The following TECR variants were observed in gnomAD, a reference collection of about 807,000 sequenced individuals.
TECR encodes very-long-chain enoyl-CoA reductase.
A neutral mutation model predicts 50.6 loss-of-function variants in TECR; 19 were observed. That is an observed-to-expected ratio of 0.38 (90% CI 0.26 to 0.55). The LOEUF is 0.55. Ranked by LOEUF, TECR falls within the 20% of genes least tolerant of loss-of-function variation. The probability of loss-of-function intolerance (pLI) is 0.79; values close to 1 mark genes in which losing one functional copy is unlikely to be tolerated. For synonymous variants in TECR, 168 were observed against 163.5 expected, an observed-to-expected ratio of 1.03 and a Z score of -0.21; for missense variants, 313 against 408.3, an observed-to-expected ratio of 0.77 and a Z score of 2.01.
At chr19:14,539,722 C>T (rs1475185451) in intron 1 of TECR, among the ~76,000 whole-genome samples, 1 of 152,148 alleles carries the variant, frequency 6.6e-6, no homozygotes, top group African/African-American at 2.4e-5. Flanking sequence ...CTCTGCTTTC[C>T]TCATGCCTGG....
At position 14,553,402 on chromosome 19, in the gene TECR, C is replaced by T. The variant is rs528784890; in HGVS notation, c.16-9123C>T. On this transcript the variant is annotated intron_variant, in intron 1 of 12. Coordinates refer to ENST00000215567, the MANE Select transcript of TECR (RefSeq NM_138501.6). ...GGGAGGTCAGCCACTCTCAGCCCTT[C>T]CTCCCCACCCTGGGTGACATTCTGC... is the stretch of plus-strand genomic sequence containing the variant. 3.1e-3 allele frequency among the ~76,000 whole-genome samples: 466 copies of T among 152,010 alleles called. 2 individuals are homozygous for T. Among genetic ancestry groups the T allele is most frequent in the Middle Eastern group, 0.01 (3 of 294 alleles).
At chr19:14,529,983 A>G in intron 1 of TECR, 1 of 556,994 alleles carries the variant, frequency 1.8e-6, no homozygotes, top group Non-Finnish European at 3.2e-6. Flanking sequence ...GGTTCCTTGC[A>G]GCTCCCCCAG....
chr19:14,542,347 G>GGTTT (rs2073124658), intron 1 of TECR, among the ~76,000 whole-genome samples: 4 of 43,282 alleles, frequency 9.2e-5, no homozygotes, highest in African/African-American at 3.2e-4. Flanking sequence ...ATGCCATAGT[G>GGTTT]TTTTTTTTTT....
At chr19:14,538,657 C>G (rs2113135) in intron 1 of TECR, among the ~76,000 whole-genome samples, 3 of 150,330 alleles carry the variant, frequency 2.0e-5, no homozygotes, top group Non-Finnish European at 3.0e-5. Context: ...CTCAGCCTCC[C>G]GAGTAGCTGG....
chr19:14,544,619 C>T (rs567452707), intron 1 of TECR, among the ~76,000 whole-genome samples: 5 of 144,220 alleles, frequency 3.5e-5, no homozygotes, highest in East Asian at 2.0e-4. Flanking sequence ...TTTGCTGCTG[C>T]GGTGTTTGGC....
intron 1 of TECR, among the ~76,000 whole-genome samples, chr19:14,538,331 C>A (rs887951392): frequency 2.6e-5 from 4 of 152,016 alleles, no homozygotes; most frequent in Non-Finnish European, 5.9e-5. Context: ...AGTTTTGTCA[C>A]CCTGTGAGGC....
At chr19:14,541,232 C>G (rs1006969491) in intron 1 of TECR, among the ~76,000 whole-genome samples, 5 of 152,230 alleles carry the variant, frequency 3.3e-5, no homozygotes, top group African/African-American at 1.2e-4. Context: ...CTGCCTCAGC[C>G]TCCCAAAGCT....
upstream of TECR, chr19:14,527,925 C>T (rs376809231): frequency 2.0e-5 from 3 of 151,854 alleles, no homozygotes; most frequent in African/African-American, 7.3e-5. Context: ...GAATCTCACT[C>T]TGTCGCCCAG....
rs745777166 is a variant in TECR, at chr19:14,563,675, G to A, written c.136G>A (p.Ala46Thr). The change falls in exon 4 of 13, where the codon GCC (alanine) becomes ACC (threonine). Residue 46 changes from alanine to threonine, a missense_variant. Transcript: ENST00000215567. This position sits in a 1 kb window ranked among gnomAD's most constrained non-coding sequence, Gnocchi z 5.3. ...FTKTHPQWYP[A>T]RQSLRLDPKG... ...CCCCGCAGATCCGCAGTGGTACCCC[G>A]CCCGCCAGTCCCTCCGCCTGGACCC... 6.2e-6 allele frequency: 10 copies of A among 1,610,584 alleles called. No individual in the cohort carries two copies. In the East Asian group the frequency reaches 1.6e-4, roughly 25 times the overall value.
intron 1 of TECR, among the ~76,000 whole-genome samples, chr19:14,557,514 C>T (rs892750704): frequency 6.8e-5 from 10 of 146,742 alleles, no homozygotes; most frequent in African/African-American, 2.5e-4. Flanking sequence ...TGCAGTGGTG[C>T]GATATCAGCT....
chr19:14,562,419 G>A (rs1475659923), intron 1 of TECR, 106 bp from the exon 2 acceptor site: 4 of 1,228,744 alleles, frequency 3.3e-6, no homozygotes, highest in African/African-American at 1.5e-5. Context: ...TGAGCTTGTT[G>A]GCCCGGGAGG....
intron 2 of TECR, 66 bp downstream of exon 2, chr19:14,562,641 C>T (rs1172911899): frequency 6.3e-7 from 1 of 1,584,702 alleles, no homozygotes; most frequent in African/African-American, 1.3e-5. Flanking sequence ...TCCTTATAGC[C>T]CAGGAGCTGT....
At position 14,563,951 on chromosome 19, in the gene TECR, G is replaced by A; in HGVS notation, c.268-31G>A. 1 of 1,614,002 alleles carries A rather than the reference G, an allele frequency of 6.2e-7. No individual in the cohort carries two copies. Among genetic ancestry groups the A allele is most frequent in the Non-Finnish European group, 8.5e-7 (1 of 1,179,910 alleles). On this transcript the variant is annotated intron_variant, in intron 5 of 12. Transcript: ENST00000215567. The surrounding 1 kb of genome is among the most constrained non-coding windows in gnomAD (Gnocchi z 5.3). ...GCCTCTTTTCCCGTCAGCCACGTTG[G>A]GTGACTCATCTTGCCCCCCTCTACT...
At chr19:14,530,754 C>G (rs552081422) in intron 1 of TECR, 11 of 152,260 alleles carry the variant, frequency 7.2e-5, no homozygotes, top group Middle Eastern at 3.4e-3. Flanking sequence ...TTTCTCACTT[C>G]CCCTCCAATT....
chr19:14,563,390 CGTGA>C lies in TECR; in HGVS notation c.118+134_118+137del. The C allele has an allele frequency of 1.0e-6, 1 of 973,066 alleles. No homozygotes were observed. The highest frequency in any genetic ancestry group is 1.6e-6 in the Non-Finnish European group (1 of 623,144). 60.3% of individuals were successfully genotyped at this position (973,066 alleles called of 1,614,324 possible). A position where few individuals can be genotyped will look rare whatever the true frequency, so the allele number is the denominator to read the frequency against. On this transcript the variant is annotated intron_variant, in intron 3 of 12. Coordinates refer to ENST00000215567, the MANE Select transcript of TECR (RefSeq NM_138501.6). This position sits in a 1 kb window ranked among gnomAD's most constrained non-coding sequence, Gnocchi z 5.3. ...CCCAGTGTGGCCCAGGCTTCTGGGG[CGTGA>C]CTGGGGCAGGCGCCTCCACGTGGCA...
intron 1 of TECR, among the ~76,000 whole-genome samples, chr19:14,542,374 T>TTTTTTTTTTC (rs1469315066): frequency 1.7e-5 from 2 of 117,182 alleles, no homozygotes; most frequent in African/African-American, 6.7e-5. Flanking sequence ...TTTTTTTTTT[T>TTTTTTTTTTC]TTCTGAGATG....
At chr19:14,562,042 G>A (rs969385444) in intron 1 of TECR, 7 of 317,202 alleles carry the variant, frequency 2.2e-5, no homozygotes, top group African/African-American at 1.5e-4. Context: ...TGCCGTTGAG[G>A]GTTTTGAGGT....
At position 14,562,304 on chromosome 19, in the gene TECR, G is replaced by A. The variant is rs961907539; in HGVS notation, c.16-221G>A. ...CTTGCCCGGCCCAGGGCTGCTTCCC[G>A]TGGGGAGGTCGGTGGTGGGGGCTGA... On this transcript the variant is annotated intron_variant, in intron 1 of 12. Coordinates refer to ENST00000215567, the MANE Select transcript of TECR (RefSeq NM_138501.6). 7.0e-5 allele frequency: 45 copies of A among 639,128 alleles called. No homozygotes were observed. In the African/African-American group the frequency reaches 7.5e-4, roughly 11 times the overall value. The allele number at this position is 639,128 out of a possible 1,614,324, so 39.6% of individuals were successfully genotyped here. A position where few individuals can be genotyped will look rare whatever the true frequency, so the allele number is the denominator to read the frequency against.
At position 14,549,211 on chromosome 19, in the gene TECR, C is replaced by CTTTTTT. The variant is rs561284094; in HGVS notation, c.16-13299_16-13294dup. On this transcript the variant is annotated intron_variant, in intron 1 of 12. Coordinates refer to ENST00000215567, the MANE Select transcript of TECR (RefSeq NM_138501.6). ...ATTATTTCCACAACCTTTAATTGGA[C>CTTTTTT]TTTTTTTTTTTTTTTTTTTTGAGAT... Among the ~76,000 whole-genome samples, 501 of 111,136 alleles carry CTTTTTT rather than the reference C, an allele frequency of 4.5e-3. 6 individuals carry two copies. The highest frequency in any genetic ancestry group is 5.7e-3 in the African/African-American group (158 of 27,780). The allele number at this position is 111,136 out of a possible 152,430, so 72.9% of individuals were successfully genotyped here.
Sources: allele counts gnomAD v4.1 joint callset (sites outside exome capture counted in the v4.1 genomes callset), GRCh38; gene constraint gnomAD v4.1.1; non-coding constraint Gnocchi (gnomAD v3.1); transcripts MANE v1.5; gene names NCBI Gene and HGNC (gene_info 2026-07-23, HGNC 2026-07-21).